Variants in SORCS1 observed in about 807,000 individuals in gnomAD.
SORCS1 encodes the protein sortilin related VPS10 domain containing receptor 1.
SORCS1 carries 60 observed loss-of-function variants against 146.1 expected under a neutral mutation model. That is an observed-to-expected ratio of 0.41 (90% confidence interval 0.33 to 0.51). The LOEUF (loss-of-function observed/expected upper bound fraction) is 0.51. SORCS1 is among the 20% of genes least tolerant of loss of function. The pLI, the probability that SORCS1 is intolerant of heterozygous loss-of-function variation, is 0.21. For synonymous variants in SORCS1, 637 were observed against 584.0 expected (o/e 1.09, Z -1.31); for missense variants, 1,352 against 1,487.6 (o/e 0.91, Z 1.50).
At chr10:106,762,933 T>C (rs1188123095) in intron 4 of SORCS1, among the ~76,000 whole-genome samples, 1 of 152,078 alleles carries the variant, frequency 6.6e-6, no homozygotes, top group Non-Finnish European at 1.5e-5. Flanking sequence ...CAGAGGACTG[T>C]ACAACAACAG....
chr10:106,654,735 CTT>C (rs1221070017), intron 17 of SORCS1, among the ~76,000 whole-genome samples: 2 of 152,210 alleles, frequency 1.3e-5, no homozygotes, highest in Admixed American at 1.3e-4. Context: ...AATTAGGAAA[CTT>C]ATGGGTTAAC....
intron 1 of SORCS1, among the ~76,000 whole-genome samples, chr10:107,026,939 T>A (rs957974861): frequency 6.6e-6 from 1 of 151,382 alleles, no homozygotes; most frequent in Non-Finnish European, 1.5e-5. Flanking sequence ...GACTCTCTAA[T>A]GCGTCTTTAA....
At chr10:107,178,025 G>C in the SORCS1 span, among the ~76,000 whole-genome samples, 14 of 152,126 alleles carry the variant, frequency 9.2e-5, no homozygotes, top group Admixed American at 9.2e-4. Flanking sequence ...GGAGGAAGGA[G>C]AGCATGAAGA....
chr10:106,862,491 A>C (rs1189612049), intron 2 of SORCS1, among the ~76,000 whole-genome samples: 1 of 152,140 alleles, frequency 6.6e-6, no homozygotes, highest in Non-Finnish European at 1.5e-5. Context: ...TCTCTCTTCA[A>C]TGTTTTTTTT....
chr10:106,863,115 A>G (rs1055270658), intron 2 of SORCS1, among the ~76,000 whole-genome samples: 41 of 152,216 alleles, frequency 2.7e-4, no homozygotes, highest in African/African-American at 9.4e-4. Flanking sequence ...AGGGCTACAA[A>G]TGTAAAAATC....
At chr10:106,894,641 T>C (rs1951393905) in intron 2 of SORCS1, among the ~76,000 whole-genome samples, 1 of 152,196 alleles carries the variant, frequency 6.6e-6, no homozygotes. Flanking sequence ...GCCATCAATC[T>C]GACAGTTTCC....
intron 5 of SORCS1, among the ~76,000 whole-genome samples, chr10:106,754,210 T>G (rs182219730): frequency 1.3e-5 from 2 of 152,206 alleles, no homozygotes; most frequent in Non-Finnish European, 1.5e-5. Context: ...GCTAGGAGTT[T>G]TTCTGGAACA....
chr10:106,582,926 CTAAA>C (rs1845008517), intron 24 of SORCS1, among the ~76,000 whole-genome samples: 2 of 152,150 alleles, frequency 1.3e-5, no homozygotes, highest in African/African-American at 4.8e-5. Context: ...GTAGTAAGTG[CTAAA>C]TAAATGGTTA....
chr10:106,667,362 G>T (rs1851240371), intron 17 of SORCS1: 1 of 229,192 alleles, frequency 4.4e-6, no homozygotes, highest in Non-Finnish European at 8.6e-6. Context: ...CCTCATCATG[G>T]ATACAATGAC....
chr10:106,632,850 G>A lies in SORCS1; in HGVS notation c.2476-3462C>T, dbSNP rs184476859. ...GGAACTTCAAAGAAGGCTTCCAAAA[G>A]GAAGTGATATCTGAGCTCAGAAGAC... On this transcript the variant is annotated intron_variant, in intron 18 of 25. Coordinates refer to ENST00000263054, the MANE Select transcript of SORCS1 (RefSeq NM_052918.5). Among the ~76,000 whole-genome samples, 260 of 152,272 alleles carry A rather than the reference G, an allele frequency of 1.7e-3. 4 individuals carry two copies. Among genetic ancestry groups the A allele is most frequent in the African/African-American group, 6.0e-3 (250 of 41,562 alleles).
rs1219462868 is a variant in SORCS1, at chr10:106,841,280, G to A, written c.627-11607C>T. Reference sequence around the variant, plus strand: ...AGGTCAGGAGTTTGAGACCAGCCTGGGCAACATGGTGAAACCCCATCTTTA... The same window carrying A: ...AGGTCAGGAGTTTGAGACCAGCCTGAGCAACATGGTGAAACCCCATCTTTA... On this transcript the variant is annotated intron_variant, in intron 2 of 25. Transcript: ENST00000263054. Among the ~76,000 whole-genome samples, 3 of 152,096 alleles carry A rather than the reference G, an allele frequency of 2.0e-5. No individual in the cohort carries two copies. The East Asian group carries it at 5.9e-4, about 30-fold the overall frequency.
chr10:107,075,861 T>C (rs1962835329), intron 1 of SORCS1, among the ~76,000 whole-genome samples: 1 of 152,084 alleles, frequency 6.6e-6, no homozygotes, highest in Non-Finnish European at 1.5e-5. Flanking sequence ...CTCTACACTT[T>C]CCATTTTCAG....
intron 1 of SORCS1, among the ~76,000 whole-genome samples, chr10:107,006,069 GCTTT>G (rs1298234193): frequency 6.6e-6 from 1 of 152,180 alleles, no homozygotes; most frequent in Admixed American, 6.5e-5. Flanking sequence ...CAGCACAGCA[GCTTT>G]ATTTCTTTAT....
At chr10:106,814,951 T>G (rs1273218464) in intron 3 of SORCS1, among the ~76,000 whole-genome samples, 1 of 149,138 alleles carries the variant, frequency 6.7e-6, no homozygotes, top group Non-Finnish European at 1.5e-5. Context: ...TCTTATATTC[T>G]GTCCTTTTAT....
intron 16 of SORCS1, among the ~76,000 whole-genome samples, chr10:106,668,621 A>G (rs1851352995): frequency 6.6e-6 from 1 of 152,106 alleles, no homozygotes; most frequent in Admixed American, 6.5e-5. Flanking sequence ...CCATCTGTGT[A>G]ATGGAGGTGA....
At chr10:106,738,001 A>T (rs986061610) in intron 5 of SORCS1, among the ~76,000 whole-genome samples, 1 of 152,096 alleles carries the variant, frequency 6.6e-6, no homozygotes, top group Non-Finnish European at 1.5e-5. Flanking sequence ...AGAACAAAAA[A>T]TTAATGAGAT....
chr10:106,729,169 T>C (rs544034571), intron 6 of SORCS1, among the ~76,000 whole-genome samples: 6 of 152,364 alleles, frequency 3.9e-5, no homozygotes, highest in African/African-American at 1.4e-4. Context: ...CTCACCTGAA[T>C]AGGCTCTGTG....
At chr10:106,792,892 C>T (rs1459750629) in intron 3 of SORCS1, among the ~76,000 whole-genome samples, 1 of 151,922 alleles carries the variant, frequency 6.6e-6, no homozygotes, top group East Asian at 1.9e-4. Flanking sequence ...AATAGAAAAA[C>T]ACGACTTTTG....
rs372354051 is a variant in SORCS1, at chr10:106,797,330, A to AT, written c.727-20639dup. ...CAATGGCATTTAACTCAAATATACA[A>AT]TTTTTTTTTTCAAATATATCATTTG... is the stretch of plus-strand genomic sequence containing the variant. On this transcript the variant is annotated intron_variant, in intron 3 of 25. Transcript: ENST00000263054. Among the ~76,000 whole-genome samples, 1,276 of 150,216 alleles carry AT rather than the reference A, an allele frequency of 8.5e-3. 18 individuals are homozygous for AT. Among genetic ancestry groups the AT allele is most frequent in the African/African-American group, 0.028 (1,164 of 40,972 alleles).
Sources: allele counts gnomAD v4.1 joint callset (sites outside exome capture counted in the v4.1 genomes callset), GRCh38; gene constraint gnomAD v4.1.1; transcripts MANE v1.5; gene names NCBI Gene and HGNC (gene_info 2026-07-23, HGNC 2026-07-21).